Variants in TRAF3 observed in about 807,000 individuals in gnomAD.
TRAF3 encodes TNF receptor associated factor 3.
A neutral mutation model predicts 62.3 loss-of-function variants in TRAF3; 13 were observed. The ratio of observed to expected loss-of-function variants is 0.21; its 90% confidence interval spans 0.14 to 0.33. The LOEUF (loss-of-function observed/expected upper bound fraction) is 0.33. TRAF3 is among the 10% of genes least tolerant of loss of function. The pLI, the probability that TRAF3 is intolerant of heterozygous loss-of-function variation, is 1.00. For synonymous variants in TRAF3, 269 were observed against 283.4 expected, an observed-to-expected ratio of 0.95 and a Z score of 0.51; for missense variants, 440 against 741.8, an observed-to-expected ratio of 0.59 and a Z score of 4.73.
intron 7 of TRAF3, 138 bp from the exon 8 acceptor site, chr14:102,889,422 C>A: frequency 2.4e-6 from 2 of 836,308 alleles, no homozygotes; most frequent in Non-Finnish European, 2.0e-6. Context: ...GAAGTCTAGG[C>A]AGCAGATGAT....
intron 2 of TRAF3, among the ~76,000 whole-genome samples, chr14:102,853,308 A>G (rs1887158439): frequency 6.6e-6 from 1 of 151,810 alleles, no homozygotes; most frequent in Non-Finnish European, 1.5e-5. Context: ...AAGTGCTGGG[A>G]TTACAGGTGT....
chr14:102,823,957 T>G (rs1900137700), intron 1 of TRAF3, among the ~76,000 whole-genome samples: 1 of 152,370 alleles, frequency 6.6e-6, no homozygotes, highest in African/African-American at 2.4e-5. Context: ...TAATGTCGAA[T>G]ATTATTCCAT....
At chr14:102,880,528 A>G (rs1315523007) in intron 6 of TRAF3, among the ~76,000 whole-genome samples, 3 of 152,260 alleles carry the variant, frequency 2.0e-5, no homozygotes, top group African/African-American at 7.2e-5. Context: ...AATTAGTTCA[A>G]CCATTGTGGA....
chr14:102,793,709 A>G (rs901726882), intron 1 of TRAF3, among the ~76,000 whole-genome samples: 5 of 152,236 alleles, frequency 3.3e-5, no homozygotes, highest in African/African-American at 1.2e-4. Context: ...CCACCAGTGC[A>G]GGATCAGGGA....
chr14:102,858,589 C>T (rs1320985715), intron 2 of TRAF3, among the ~76,000 whole-genome samples: 2 of 152,150 alleles, frequency 1.3e-5, no homozygotes, highest in Non-Finnish European at 2.9e-5. Flanking sequence ...CTGTGGTTGA[C>T]AGAAAGTCTT....
At chr14:102,831,419 TA>T (rs1390477565) in intron 2 of TRAF3, among the ~76,000 whole-genome samples, 1 of 151,992 alleles carries the variant, frequency 6.6e-6, no homozygotes, top group Non-Finnish European at 1.5e-5. Flanking sequence ...CAGGCGGAGG[TA>T]AAACATTTTT....
Position 102,903,216 on chromosome 14 carries a change from C to G in TRAF3, c.961-39C>G. The stretch of plus-strand genomic sequence containing the variant: ...AAGGTGGTGCAGCATTTTCCGAGTC[C>G]TAACTGTGTTTTGCTTTTTAACACC... On this transcript the variant is annotated intron_variant, in intron 10 of 11. Transcript: ENST00000392745. This position sits in a 1 kb window ranked among gnomAD's most constrained non-coding sequence, Gnocchi z 6.4. 1.2e-6 allele frequency: 2 copies of G among 1,613,972 alleles called. No homozygotes were observed. Among genetic ancestry groups the G allele is most frequent in the Non-Finnish European group, 1.7e-6 (2 of 1,179,910 alleles).
intron 1 of TRAF3, among the ~76,000 whole-genome samples, chr14:102,822,969 G>A (rs932326884): frequency 3.3e-5 from 5 of 150,646 alleles, no homozygotes; most frequent in African/African-American, 1.2e-4. Context: ...TCACGCCATT[G>A]CACTCCAGCC....
intron 1 of TRAF3, among the ~76,000 whole-genome samples, chr14:102,789,744 C>T (rs770234914): frequency 1.3e-5 from 2 of 151,614 alleles, no homozygotes; most frequent in Non-Finnish European, 2.9e-5. Flanking sequence ...TCATGTGACT[C>T]TTGGCCATTT....
In TRAF3 at chr14:102,909,895, G is replaced by T. The variant is rs943197246; in HGVS notation, c.*4111G>T. The T allele has an allele frequency of 2.0e-5, 3 of 152,292 alleles. No homozygotes were observed. The highest frequency in any genetic ancestry group is 4.4e-5 in the Non-Finnish European group (3 of 68,078). 9.4% of individuals were successfully genotyped at this position (152,292 alleles called of 1,614,324 possible). On this transcript the variant is annotated 3_prime_UTR_variant, in exon 12 of 12. Coordinates refer to ENST00000392745, the MANE Select transcript of TRAF3 (RefSeq NM_145725.3). ...CAGCATGGTGGACCCACATCCTACA[G>T]CCAGAGGTGATGTTGGACAAAGGAA...
intron 8 of TRAF3, among the ~76,000 whole-genome samples, chr14:102,890,045 G>A (rs571623104): frequency 2.6e-5 from 4 of 152,328 alleles, no homozygotes; most frequent in South Asian, 2.1e-4. Context: ...GATCACACAC[G>A]TGTGTATCCA....
chr14:102,905,445 C>G lies in TRAF3; in HGVS notation c.1368C>G (p.Ala456=). The G allele has an allele frequency of 6.2e-7, 1 of 1,614,226 alleles. No individual in the cohort carries two copies. Among genetic ancestry groups the G allele is most frequent in the Non-Finnish European group, 8.5e-7 (1 of 1,180,038 alleles). Residue 456 remains alanine, a synonymous_variant, in exon 12 of 12, where the codon GCC becomes GCG. Transcript: ENST00000392745. ...YTGYFGYKMC[A]RVYLNGDGMG... The stretch of plus-strand genomic sequence containing the variant: ...GTTACTTTGGCTATAAGATGTGTGC[C>G]AGGGTCTACCTGAACGGGGACGGGA...
chr14:102,814,319 C>CAT (rs1899381748), intron 1 of TRAF3, among the ~76,000 whole-genome samples: 1 of 152,062 alleles, frequency 6.6e-6, no homozygotes, highest in African/African-American at 2.4e-5. Context: ...AGACCAGTAC[C>CAT]GTGTCGTTTT....
intron 10 of TRAF3, among the ~76,000 whole-genome samples, chr14:102,900,179 GGAAAAAAAAAA>G (rs1170272466): frequency 4.8e-5 from 4 of 83,746 alleles, no homozygotes; most frequent in East Asian, 8.8e-4. Flanking sequence ...ACTCCGTCTC[GGAAAAAAAAAA>G]AAAAAAAAAA....
intron 2 of TRAF3, among the ~76,000 whole-genome samples, chr14:102,858,537 G>T (rs940600519): frequency 1.3e-5 from 2 of 151,732 alleles, no homozygotes; most frequent in Non-Finnish European, 2.9e-5. Context: ...TATAATAGCT[G>T]ACTATAAACC....
At chr14:102,842,887 G>A (rs1180184520) in intron 2 of TRAF3, among the ~76,000 whole-genome samples, 1 of 152,124 alleles carries the variant, frequency 6.6e-6, no homozygotes, top group East Asian at 1.9e-4. Context: ...AAAAATGAAG[G>A]ATAAATTTTT....
At chr14:102,860,254 A>G (rs571677051) in intron 2 of TRAF3, among the ~76,000 whole-genome samples, 2 of 152,342 alleles carry the variant, frequency 1.3e-5, no homozygotes, top group East Asian at 1.9e-4. Context: ...GTTCTCTCAT[A>G]ATGTGAAGTA....
intron 1 of TRAF3, among the ~76,000 whole-genome samples, chr14:102,795,186 T>C (rs1377510042): frequency 6.6e-6 from 1 of 152,164 alleles, no homozygotes; most frequent in Non-Finnish European, 1.5e-5. Context: ...TGCTCTCACA[T>C]AGAAACCCTG....
intron 3 of TRAF3, among the ~76,000 whole-genome samples, chr14:102,870,877 C>G (rs1479521782): frequency 1.3e-5 from 2 of 152,208 alleles, no homozygotes; most frequent in African/African-American, 4.8e-5. Context: ...CGAGCAGAAA[C>G]CTAGGCCGCA....
Sources: gnomAD v4.1 joint callset for allele counts (sites outside exome capture counted in the v4.1 genomes callset) on GRCh38, gnomAD v4.1.1 for gene constraint, Gnocchi (gnomAD v3.1) non-coding constraint, MANE v1.5 for transcripts, NCBI Gene and HGNC (gene_info 2026-07-23, HGNC 2026-07-21) for gene names.